Variants in PRKD1 observed in about 807,000 individuals in gnomAD.
The protein encoded by PRKD1 is serine/threonine-protein kinase D1.
A neutral mutation model predicts 95.9 loss-of-function variants in PRKD1; 63 were observed. The observed-to-expected ratio is 0.66, with a 90% CI of 0.54 to 0.81. The LOEUF is 0.81. PRKD1 is among the 30% of genes least tolerant of loss of function. The pLI, the probability that PRKD1 is intolerant of heterozygous loss-of-function variation, is 0.00. For synonymous variants in PRKD1, 425 were observed against 423.1 expected, an observed-to-expected ratio of 1.00 and a Z score of -0.05; for missense variants, 1,048 against 1,165.3, an observed-to-expected ratio of 0.90 and a Z score of 1.47.
intron 1 of PRKD1, among the ~76,000 whole-genome samples, chr14:29,819,804 A>G (rs1426742711): frequency 1.3e-5 from 2 of 152,238 alleles, no homozygotes; most frequent in African/African-American, 2.4e-5. Flanking sequence ...TTGTGTTTTT[A>G]TTGTTGGCAA....
intron 1 of PRKD1, among the ~76,000 whole-genome samples, chr14:29,862,754 T>G (rs1273365732): frequency 1.3e-5 from 2 of 152,230 alleles, no homozygotes; most frequent in African/African-American, 4.8e-5. Context: ...TCCTTATATA[T>G]TCTGGTTATT....
At chr14:29,810,181 A>G (rs2139240622) in intron 1 of PRKD1, among the ~76,000 whole-genome samples, 2 of 152,350 alleles carry the variant, frequency 1.3e-5, no homozygotes, top group South Asian at 4.1e-4. Context: ...CACCATAAAA[A>G]TATAATAAAA....
intron 16 of PRKD1, among the ~76,000 whole-genome samples, chr14:29,578,804 T>C (rs1892658837): frequency 6.6e-6 from 1 of 152,090 alleles, no homozygotes; most frequent in Non-Finnish European, 1.5e-5. Flanking sequence ...TCACACAGTA[T>C]TGAATTAAAT....
chr14:29,849,443 C>T (rs1322491680), intron 1 of PRKD1, among the ~76,000 whole-genome samples: 1 of 151,998 alleles, frequency 6.6e-6, no homozygotes, highest in Non-Finnish European at 1.5e-5. Flanking sequence ...TCTATGCACA[C>T]AAACTAGAAA....
chr14:29,621,353 A>G (rs1190746340), intron 13 of PRKD1, among the ~76,000 whole-genome samples: 1 of 151,774 alleles, frequency 6.6e-6, no homozygotes, highest in Non-Finnish European at 1.5e-5. Context: ...AATAATAATA[A>G]TAAAAAGGGT....
chr14:29,896,082 G>A (rs116123099), intron 1 of PRKD1, among the ~76,000 whole-genome samples: 4,318 of 152,084 alleles, frequency 0.028, 184 homozygotes, highest in African/African-American at 0.095. Context: ...CAATAGGAGC[G>A]CAATATATAT....
chr14:29,622,162 C>T (rs562074643), intron 13 of PRKD1, among the ~76,000 whole-genome samples: 5 of 152,104 alleles, frequency 3.3e-5, no homozygotes, highest in Admixed American at 6.5e-5. Context: ...ATAGGGTTTG[C>T]ACTCCTATGA....
chr14:29,879,387 T>A (rs2139392598), intron 1 of PRKD1, among the ~76,000 whole-genome samples: 1 of 152,336 alleles, frequency 6.6e-6, no homozygotes, highest in East Asian at 1.9e-4. Context: ...TATCAGGGGC[T>A]TCCACGTTTG....
At chr14:29,654,046 A>C (rs1026309108) in intron 4 of PRKD1, among the ~76,000 whole-genome samples, 4 of 152,142 alleles carry the variant, frequency 2.6e-5, no homozygotes, top group Admixed American at 6.5e-5. Flanking sequence ...TTTTCAGTAG[A>C]GTTAAAAATG....
intron 1 of PRKD1, among the ~76,000 whole-genome samples, chr14:29,833,671 A>G (rs1048094911): frequency 6.6e-6 from 1 of 152,046 alleles, no homozygotes; most frequent in African/African-American, 2.4e-5. Context: ...TCAGTATAAG[A>G]ATATTTATAA....
At chr14:29,773,243 T>C (rs1888587437) in intron 1 of PRKD1, among the ~76,000 whole-genome samples, 1 of 152,092 alleles carries the variant, frequency 6.6e-6, no homozygotes, top group Non-Finnish European at 1.5e-5. Flanking sequence ...AGTGAATCAC[T>C]GGAGGTCAGG....
intron 1 of PRKD1, among the ~76,000 whole-genome samples, chr14:29,843,889 A>G (rs186213809): frequency 2.0e-5 from 3 of 152,354 alleles, no homozygotes; most frequent in Admixed American, 2.0e-4. Context: ...ACAGGCTTCA[A>G]TGAAAAGATG....
chr14:29,661,492 C>T (rs45581442), intron 4 of PRKD1, among the ~76,000 whole-genome samples: 38 of 152,074 alleles, frequency 2.5e-4, no homozygotes, highest in Admixed American at 2.6e-4. Context: ...GTGCCTTGGT[C>T]GAGCAGGGTG....
At chr14:29,837,930 T>G (rs1891674355) in intron 1 of PRKD1, among the ~76,000 whole-genome samples, 1 of 152,196 alleles carries the variant, frequency 6.6e-6, no homozygotes, top group African/African-American at 2.4e-5. Context: ...CAGTACCAAT[T>G]TTGTAAACAT....
At chr14:29,809,345 A>G (rs1890382453) in intron 1 of PRKD1, among the ~76,000 whole-genome samples, 1 of 152,208 alleles carries the variant, frequency 6.6e-6, no homozygotes, top group Admixed American at 6.5e-5. Flanking sequence ...AGCCCCTAAC[A>G]AGGGAGTCAG....
chr14:29,664,785 A>G (rs914920268), intron 3 of PRKD1, among the ~76,000 whole-genome samples: 1 of 152,238 alleles, frequency 6.6e-6, no homozygotes, highest in Admixed American at 6.5e-5. Context: ...TGAATTGTGC[A>G]GTTCAAAGTG....
intron 1 of PRKD1, among the ~76,000 whole-genome samples, chr14:29,828,443 G>C (rs1330284259): frequency 6.6e-6 from 1 of 152,034 alleles, no homozygotes; most frequent in Admixed American, 6.6e-5. Context: ...CCATGACCCA[G>C]ACACCTCCCA....
At chr14:29,703,116 T>C (rs1164727259) in intron 2 of PRKD1, among the ~76,000 whole-genome samples, 1 of 152,190 alleles carries the variant, frequency 6.6e-6, no homozygotes, top group Non-Finnish European at 1.5e-5. Context: ...TCTTTGTCTA[T>C]GCCTTCCTCT....
At chr14:29,923,907 AT>A (rs1399688354) in intron 1 of PRKD1, among the ~76,000 whole-genome samples, 2 of 151,902 alleles carry the variant, frequency 1.3e-5, no homozygotes, top group Non-Finnish European at 2.9e-5. Context: ...TTCCTCTGGA[AT>A]TTTTTTCCTT....
Sources: allele counts gnomAD v4.1 joint callset (sites outside exome capture counted in the v4.1 genomes callset), GRCh38; gene constraint gnomAD v4.1.1; transcripts MANE v1.5; gene names NCBI Gene and HGNC (gene_info 2026-07-23, HGNC 2026-07-21).